Variants in PHF14 observed in about 807,000 individuals in gnomAD.
The protein encoded by PHF14 is PHD finger protein 14.
PHF14 carries 55 observed loss-of-function variants against 117.9 expected under a neutral mutation model. That is an observed-to-expected ratio of 0.47 (90% CI 0.38 to 0.58). The LOEUF (loss-of-function observed/expected upper bound fraction) is 0.58. Among genes scored for constraint, PHF14 ranks in the 20% least tolerant of loss-of-function variants. The probability of loss-of-function intolerance (pLI) is 0.00; values close to 1 mark genes in which losing one functional copy is unlikely to be tolerated. For missense variants in PHF14, 978 were observed against 1,122.2 expected, an observed-to-expected ratio of 0.87 and a Z score of 1.84; for synonymous variants, 409 against 368.6, an observed-to-expected ratio of 1.11 and a Z score of -1.26.
At chr7:10,982,323 TG>T in intron 2 of PHF14, 48 bp from the exon 3 acceptor site, 1 of 1,197,418 alleles carries the variant, frequency 8.4e-7, no homozygotes, top group Non-Finnish European at 1.2e-6. Flanking sequence ...TGTGTGTGTG[TG>T]TATGTATATA....
intron 17 of PHF14, among the ~76,000 whole-genome samples, chr7:11,125,790 CTATTTTAA>C (rs1277864974): frequency 1.3e-5 from 2 of 151,920 alleles, no homozygotes; most frequent in Non-Finnish European, 2.9e-5. Flanking sequence ...AAGATACAAC[CTATTTTAA>C]TATTTTCTCT....
intron 16 of PHF14, chr7:11,107,760 G>T (rs1281114052): frequency 4.0e-5 from 35 of 864,382 alleles, no homozygotes; most frequent in Non-Finnish European, 4.7e-5. Flanking sequence ...ACTTTTGTGG[G>T]TCAATGACTG....
intron 17 of PHF14, among the ~76,000 whole-genome samples, chr7:11,121,564 T>C (rs1787753379): frequency 1.3e-5 from 2 of 152,150 alleles, no homozygotes; most frequent in Non-Finnish European, 2.9e-5. Context: ...AAATATCTTA[T>C]GGCTTCCCTT....
intron 16 of PHF14, chr7:11,102,563 T>G: frequency 6.2e-7 from 1 of 1,608,208 alleles, no homozygotes; most frequent in Non-Finnish European, 8.5e-7. Flanking sequence ...AAGTGTGATT[T>G]TAAAAATGTG....
chr7:11,077,217 A>G (rs1785894627), intron 16 of PHF14, among the ~76,000 whole-genome samples: 1 of 152,032 alleles, frequency 6.6e-6, no homozygotes, highest in African/African-American at 2.4e-5. Context: ...CTAATTATAA[A>G]TTGAAGAAAC....
chr7:11,026,147 C>A (rs1436702997), intron 6 of PHF14, among the ~76,000 whole-genome samples: 4 of 151,606 alleles, frequency 2.6e-5, no homozygotes, highest in Non-Finnish European at 4.4e-5. Context: ...ATTGCCACAG[C>A]CACTCCAACT....
At chr7:11,109,199 A>T (rs1051630435) in intron 16 of PHF14, 5 of 151,788 alleles carry the variant, frequency 3.3e-5, no homozygotes, top group African/African-American at 9.7e-5. Flanking sequence ...TGGGGAATTT[A>T]TGCTTAAGCA....
At chr7:10,977,907 T>C (rs965284513) in intron 2 of PHF14, among the ~76,000 whole-genome samples, 3 of 152,186 alleles carry the variant, frequency 2.0e-5, no homozygotes, top group Non-Finnish European at 2.9e-5. Flanking sequence ...AGGAGACTTA[T>C]TTACATTTGG....
At chr7:11,011,821 CTATT>C (rs1583363462) in intron 4 of PHF14, among the ~76,000 whole-genome samples, 1 of 152,248 alleles carries the variant, frequency 6.6e-6, no homozygotes, top group East Asian at 1.9e-4. Flanking sequence ...AAAAAGAAAT[CTATT>C]TAGGAGTCAT....
intron 12 of PHF14, among the ~76,000 whole-genome samples, chr7:11,041,766 A>G (rs1784512461): frequency 6.6e-6 from 1 of 151,830 alleles, no homozygotes; most frequent in East Asian, 1.9e-4. Context: ...TTTTATGACT[A>G]CAATTCATTT....
chr7:11,050,631 A>T (rs2128326421), intron 13 of PHF14, among the ~76,000 whole-genome samples: 1 of 152,244 alleles, frequency 6.6e-6, no homozygotes, highest in Admixed American at 6.5e-5. Flanking sequence ...ATCTATGGCT[A>T]GTGGCCACTG....
At chr7:11,053,458 T>C (rs1185098837) in intron 14 of PHF14, among the ~76,000 whole-genome samples, 1 of 152,076 alleles carries the variant, frequency 6.6e-6, no homozygotes, top group African/African-American at 2.4e-5. Context: ...GAGAGACTTT[T>C]CCTTTGTTAA....
At chr7:11,067,695 T>A (rs370021494) in intron 16 of PHF14, among the ~76,000 whole-genome samples, 1 of 152,316 alleles carries the variant, frequency 6.6e-6, no homozygotes, top group Middle Eastern at 3.4e-3. Context: ...TGGCTCACAA[T>A]TCTCATTGTT....
At chr7:11,025,174 C>G (rs908488648) in intron 6 of PHF14, among the ~76,000 whole-genome samples, 16 of 151,994 alleles carry the variant, frequency 1.1e-4, no homozygotes, top group Admixed American at 3.9e-4. Context: ...GAAGTGTAGC[C>G]AAAGGTGACT....
chr7:11,138,685 A>G (rs1445305494), intron 17 of PHF14, among the ~76,000 whole-genome samples: 1 of 152,220 alleles, frequency 6.6e-6, no homozygotes, highest in African/African-American at 2.4e-5. Context: ...TCATTCGTGC[A>G]AGTTCTTTAA....
At chr7:11,154,485 A>T (rs1482736245) in intron 17 of PHF14, among the ~76,000 whole-genome samples, 2 of 152,154 alleles carry the variant, frequency 1.3e-5, no homozygotes, top group Admixed American at 6.5e-5. Flanking sequence ...TCTTAAGTCA[A>T]TTTAATAAAC....
intron 16 of PHF14, among the ~76,000 whole-genome samples, chr7:11,064,669 G>A (rs1785364064): frequency 6.6e-6 from 1 of 151,912 alleles, no homozygotes; most frequent in African/African-American, 2.4e-5. Context: ...TTATTTGTAT[G>A]TGTTTACTTG....
chr7:11,145,504 T>C (rs1406233908), intron 17 of PHF14, among the ~76,000 whole-genome samples: 1 of 152,054 alleles, frequency 6.6e-6, no homozygotes, highest in Non-Finnish European at 1.5e-5. Context: ...CAGAATAGAA[T>C]TGAGCATTTT....
chr7:11,048,703 A>G (rs1784755678), intron 13 of PHF14, among the ~76,000 whole-genome samples: 1 of 152,216 alleles, frequency 6.6e-6, no homozygotes, highest in African/African-American at 2.4e-5. Flanking sequence ...CTTAAAGGAT[A>G]TTTATAAGAT....
Sources: gnomAD v4.1 joint callset for allele counts (sites outside exome capture counted in the v4.1 genomes callset) on GRCh38, gnomAD v4.1.1 for gene constraint, MANE v1.5 for transcripts, NCBI Gene and HGNC (gene_info 2026-07-23, HGNC 2026-07-21) for gene names.